RADIL: variants seen among roughly 807,000 people sequenced by gnomAD.
RADIL encodes Rap associating with DIL domain.
Under a neutral mutation model 97.6 loss-of-function variants are expected in RADIL, and 99 were observed. The observed-to-expected ratio is 1.01, with a 90% CI of 0.86 to 1.20. The LOEUF is 1.20. Among genes scored for constraint, RADIL ranks in the 50% most tolerant of loss-of-function variants. The probability of loss-of-function intolerance (pLI) is 0.00; values close to 1 mark genes in which losing one functional copy is unlikely to be tolerated. For missense variants in RADIL, 1,765 were observed against 1,498.9 expected, an observed-to-expected ratio of 1.18 and a Z score of -2.93; for synonymous variants, 803 against 691.8, an observed-to-expected ratio of 1.16 and a Z score of -2.52.
rs6958275 is a variant in RADIL, at chr7:4,842,294, A to G, written c.536-5689T>C. Reference sequence around the variant, plus strand: ...CGTAAGGAAAGGAGGGCTGAGCTCCATGTCCCTGAAGCTCTGTTAGCGGCC... The same window carrying G: ...CGTAAGGAAAGGAGGGCTGAGCTCCGTGTCCCTGAAGCTCTGTTAGCGGCC... On this transcript the variant is annotated intron_variant, in intron 2 of 14. Coordinates refer to ENST00000399583, the MANE Select transcript of RADIL (RefSeq NM_018059.5). The surrounding 1 kb of genome is among the most constrained non-coding windows in gnomAD (Gnocchi z 4.5). Among the ~76,000 whole-genome samples the G allele has an allele frequency of 0.58, 87,933 of 152,032 alleles. 27,277 individuals are homozygous for G. The highest frequency in any genetic ancestry group is 0.82 in the African/African-American group (33,924 of 41,496).
rs891316542 is a variant in RADIL at position 4,854,757 on chromosome 7, C to G, written c.536-18152G>C. 2.0e-5 allele frequency among the ~76,000 whole-genome samples: 3 copies of G among 152,166 alleles called. No individual in the cohort carries two copies. Among genetic ancestry groups the G allele is most frequent in the African/African-American group, 7.2e-5 (3 of 41,444 alleles). On this transcript the variant is annotated intron_variant, in intron 2 of 14. Transcript: ENST00000399583. The surrounding 1 kb of genome is among the most constrained non-coding windows in gnomAD (Gnocchi z 5.1). ...TGGTATTGGTTGTTTAATTATATTT[C>G]ACACATATGAAAGCATTTGTAACTT...
Position 4,801,673 on chromosome 7 carries a change from A to G in RADIL, c.2822T>C (p.Leu941Pro). 1.9e-6 allele frequency: 3 copies of G among 1,602,808 alleles called. No homozygotes were observed. Among genetic ancestry groups the G allele is most frequent in the Non-Finnish European group, 2.6e-6 (3 of 1,175,840 alleles). The change falls in exon 12 of 15, where the codon CTC (leucine) becomes CCC (proline). Residue 941 changes from leucine to proline, a missense_variant. By Grantham distance (98) the Leu-to-Pro change is moderately conservative (BLOSUM62 -3). Coordinates refer to ENST00000399583, the MANE Select transcript of RADIL (RefSeq NM_018059.5). ...CTCACCTTCCGGAGCTGCACCCCGGAGGCCGCTGAGTCCGTTCCTCTGCCT... is the reference window on the plus strand; with the variant it reads ...CTCACCTTCCGGAGCTGCACCCCGGGGGCCGCTGAGTCCGTTCCTCTGCCT... ...PERQRNGLSG[L>P]RGAAPEGDSA...
Position 4,822,621 on chromosome 7 carries a change from T to C in RADIL, c.1455-67A>G. 1 of 1,546,542 alleles carries C rather than the reference T, an allele frequency of 6.5e-7. No individual in the cohort carries two copies. The highest frequency in any genetic ancestry group is 1.4e-5 in the African/African-American group (1 of 73,220). ...CCTCAGGAGGCTGAATCTACCACTC[T>C]TTCTACATAAGGATGCGCGTTTTCA... On this transcript the variant is annotated intron_variant, in intron 5 of 14. Coordinates refer to ENST00000399583, the MANE Select transcript of RADIL (RefSeq NM_018059.5). The surrounding 1 kb of genome is among the most constrained non-coding windows in gnomAD (Gnocchi z 5.3).
intron 5 of RADIL, among the ~76,000 whole-genome samples, chr7:4,831,106 G>A (rs370934949): frequency 4.0e-4 from 60 of 151,386 alleles, no homozygotes; most frequent in African/African-American, 1.3e-3. Context: ...CAGGAGAATC[G>A]CTCGAACCTG....
rs1443146491 is a variant in RADIL, at chr7:4,883,250, G to A, written c.-65+346C>T. On this transcript the variant is annotated intron_variant, in intron 1 of 14. Transcript: ENST00000399583. This position sits in a 1 kb window ranked among gnomAD's most constrained non-coding sequence, Gnocchi z 7.1. ...CCAGGGCACAGCCGGGAAAACTGAG[G>A]GCCGAGAGTCCCCTGGAGTTGGGGG... Among the ~76,000 whole-genome samples the A allele has an allele frequency of 6.7e-6, 1 of 149,342 alleles. No individual in the cohort carries two copies. The highest frequency in any genetic ancestry group is 2.0e-4 in the East Asian group (1 of 5,124).
At chr7:4,831,973 C>T (rs960364913) in intron 5 of RADIL, among the ~76,000 whole-genome samples, 168 bp downstream of exon 5, 8 of 152,102 alleles carry the variant, frequency 5.3e-5, no homozygotes, top group African/African-American at 1.7e-4. Context: ...CAGAGCTTCC[C>T]AGGGTGATGA....
intron 5 of RADIL, among the ~76,000 whole-genome samples, chr7:4,830,311 G>A (rs1197238477): frequency 2.0e-5 from 3 of 152,196 alleles, no homozygotes; most frequent in Non-Finnish European, 4.4e-5. Flanking sequence ...CCACCAGCAG[G>A]TGTCTCTCTA....
intron 5 of RADIL, among the ~76,000 whole-genome samples, chr7:4,829,649 C>T (rs991115462): frequency 1.3e-5 from 2 of 152,030 alleles, no homozygotes; most frequent in African/African-American, 2.4e-5. Context: ...GGGAGGGACG[C>T]GGTGGGTGGT....
chr7:4,853,646 G>A lies in RADIL; in HGVS notation c.536-17041C>T, dbSNP rs150399414. Among the ~76,000 whole-genome samples the A allele has an allele frequency of 7.6e-4, 115 of 151,208 alleles. 2 individuals are homozygous for A. In the East Asian group the frequency reaches 0.02, roughly 26 times the overall value. ...AATCCCAGCTACTTGGGAGGCTGAG[G>A]CAGGAGAATCGCTTGAACCTGGGAG... On this transcript the variant is annotated intron_variant, in intron 2 of 14. Coordinates refer to ENST00000399583, the MANE Select transcript of RADIL (RefSeq NM_018059.5).
At chr7:4,877,573 A>C (rs1477998840) in intron 2 of RADIL, 32 bp downstream of exon 2, 2 of 1,561,818 alleles carry the variant, frequency 1.3e-6, no homozygotes, top group Admixed American at 3.8e-5. Flanking sequence ...GCTCAGACCC[A>C]CGGCTCTTCC....
intron 2 of RADIL, chr7:4,861,668 C>T (rs769058476): frequency 2.2e-5 from 35 of 1,600,664 alleles, no homozygotes; most frequent in Non-Finnish European, 2.9e-5. Context: ...CCCGAAGGGC[C>T]TGAGGGTTTC....
In RADIL at chr7:4,824,247, G is replaced by T. The variant is rs1782913473; in HGVS notation, c.1455-1693C>A. On this transcript the variant is annotated intron_variant, in intron 5 of 14. Coordinates refer to ENST00000399583, the MANE Select transcript of RADIL (RefSeq NM_018059.5). The surrounding 1 kb of genome is among the most constrained non-coding windows in gnomAD (Gnocchi z 6.7). ...GAGCCAGGCAGCTGCCACTCTGCTG[G>T]CCGCAGGGCATGGTGCCAGCCCAGT... Among the ~76,000 whole-genome samples, 1 of 152,224 alleles carries T rather than the reference G, an allele frequency of 6.6e-6. No individual in the cohort carries two copies. Among genetic ancestry groups the T allele is most frequent in the South Asian group, 2.1e-4 (1 of 4,832 alleles).
Position 4,818,307 on chromosome 7 carries a change from C to A in RADIL, c.1616-956G>T, listed in dbSNP as rs1381740129. 1.3e-5 allele frequency among the ~76,000 whole-genome samples: 2 copies of A among 152,174 alleles called. No individual in the cohort carries two copies. The highest frequency in any genetic ancestry group is 6.5e-5 in the Admixed American group (1 of 15,294). Reference sequence around the variant, plus strand: ...CACAGGCCCCCAGCTGCCCCTCTGCCGGGCAGACTGCACCGGAGGCCGGCC... The same window carrying A: ...CACAGGCCCCCAGCTGCCCCTCTGCAGGGCAGACTGCACCGGAGGCCGGCC... On this transcript the variant is annotated intron_variant, in intron 6 of 14. Transcript: ENST00000399583. This position sits in a 1 kb window ranked among gnomAD's most constrained non-coding sequence, Gnocchi z 7.1.
intron 2 of RADIL, among the ~76,000 whole-genome samples, chr7:4,857,227 T>A (rs560374114): frequency 6.6e-6 from 1 of 152,364 alleles, no homozygotes; most frequent in African/African-American, 2.4e-5. Flanking sequence ...ATGGTGCTCT[T>A]GCCCTTAATA....
In RADIL at chr7:4,805,382, G is replaced by A. The variant is rs1019682552; in HGVS notation, c.2290+184C>T. The A allele has an allele frequency of 2.0e-5, 13 of 643,522 alleles. No individual in the cohort carries two copies. In the African/African-American group the frequency reaches 2.1e-4, roughly 10 times the overall value. 39.9% of individuals were successfully genotyped at this position (643,522 alleles called of 1,614,324 possible). A position where few individuals can be genotyped will look rare whatever the true frequency, so the allele number is the denominator to read the frequency against. ...GACTCCCCCGCCGAGGAGGTCCCCG[G>A]ATCCCCAGGTTGGGGATGGGGCGGG... On this transcript the variant is annotated intron_variant, in intron 10 of 14. Coordinates refer to ENST00000399583, the MANE Select transcript of RADIL (RefSeq NM_018059.5).
Position 4,836,358 on chromosome 7 carries a change from G to A in RADIL, c.783C>T (p.His261=), listed in dbSNP as rs751101261. The A allele has an allele frequency of 2.7e-5, 42 of 1,570,850 alleles. No individual in the cohort carries two copies. Among genetic ancestry groups the A allele is most frequent in the African/African-American group, 2.4e-4 (18 of 74,174 alleles). ...LLLLQGYSQQ[H]DSLVYVLNRD... is the part of the protein sequence containing the mutation. ...GTGGGTGTCAGGAGGGGAGGCTCACGTGCTGCTGGCTGTAGCCCTGCAGAA... is the reference window on the plus strand; with the variant it reads ...GTGGGTGTCAGGAGGGGAGGCTCACATGCTGCTGGCTGTAGCCCTGCAGAA... The change falls in exon 3 of 15, where the codon CAC becomes CAT. Residue 261 remains histidine (H), a splice_region_variant and synonymous_variant. Transcript: ENST00000399583.
At chr7:4,839,477 G>A (rs972580506) in intron 2 of RADIL, among the ~76,000 whole-genome samples, 12 of 152,090 alleles carry the variant, frequency 7.9e-5, no homozygotes, top group East Asian at 3.8e-4. Context: ...ACCACATGGC[G>A]GCTGTCCTCA....
chr7:4,810,655 C>T (rs574119342), intron 9 of RADIL, among the ~76,000 whole-genome samples: 20 of 152,360 alleles, frequency 1.3e-4, no homozygotes, highest in Admixed American at 2.6e-4. Context: ...GCATCTCCGT[C>T]GGGGAAATTG....
intron 2 of RADIL, among the ~76,000 whole-genome samples, chr7:4,844,082 C>A (rs1477607891): frequency 6.6e-6 from 1 of 152,064 alleles, no homozygotes; most frequent in African/African-American, 2.4e-5. Flanking sequence ...GTAACCACTT[C>A]TCTTCAAATT....
Sources: allele counts gnomAD v4.1 joint callset (sites outside exome capture counted in the v4.1 genomes callset), GRCh38; gene constraint gnomAD v4.1.1; non-coding constraint Gnocchi (gnomAD v3.1); transcripts MANE v1.5; gene names NCBI Gene and HGNC (gene_info 2026-07-23, HGNC 2026-07-21).